Variants in KCNIP1 observed in about 807,000 individuals in gnomAD.
KCNIP1 encodes the protein A-type potassium channel modulatory protein KCNIP1.
In KCNIP1, 18 loss-of-function variants were observed where a neutral mutation model predicts 33.0. The observed-to-expected ratio is 0.55, with a 90% CI of 0.38 to 0.81. KCNIP1 has a LOEUF of 0.81. Among genes scored for constraint, KCNIP1 ranks in the 30% least tolerant of loss-of-function variants. The pLI is 0.00. For missense variants in KCNIP1, 238 were observed against 271.6 expected (o/e 0.88, Z 0.87); for synonymous variants, 93 against 98.3 (o/e 0.95, Z 0.32).
intron 1 of KCNIP1, among the ~76,000 whole-genome samples, chr5:170,671,153 G>A (rs79923541): frequency 0.02 from 3,013 of 152,110 alleles, 98 homozygotes; most frequent in African/African-American, 0.068. Context: ...ACATACACGC[G>A]CAAAATGTTG....
intron 1 of KCNIP1, among the ~76,000 whole-genome samples, chr5:170,623,079 C>T (rs1456944394): frequency 3.3e-5 from 5 of 152,254 alleles, no homozygotes; most frequent in Admixed American, 3.3e-4. Flanking sequence ...CTATGAGAAC[C>T]TAATGCGGCG....
chr5:170,379,189 G>A (rs1250677830), intron 1 of KCNIP1, among the ~76,000 whole-genome samples: 5 of 151,424 alleles, frequency 3.3e-5, no homozygotes, highest in East Asian at 2.0e-4. Context: ...GGAGCTGCTC[G>A]GGGTACAGGC....
At chr5:170,487,464 A>G (rs1246513097) in intron 1 of KCNIP1, among the ~76,000 whole-genome samples, 1 of 152,024 alleles carries the variant, frequency 6.6e-6, no homozygotes, top group African/African-American at 2.4e-5. Context: ...TAAAGTGCAC[A>G]ATTCCATGTT....
chr5:170,430,457 C>T (rs1344024553), intron 1 of KCNIP1, among the ~76,000 whole-genome samples: 1 of 152,210 alleles, frequency 6.6e-6, no homozygotes, highest in East Asian at 1.9e-4. Context: ...CAAACTCCTA[C>T]ACACCCTTCA....
At chr5:170,371,844 A>G (rs543437035) in intron 1 of KCNIP1, among the ~76,000 whole-genome samples, 1 of 152,362 alleles carries the variant, frequency 6.6e-6, no homozygotes, top group African/African-American at 2.4e-5. Context: ...TTGTCATTGA[A>G]GAGAACTATT....
chr5:170,510,180 T>A (rs1016731909), intron 1 of KCNIP1, among the ~76,000 whole-genome samples: 4 of 152,200 alleles, frequency 2.6e-5, no homozygotes, highest in African/African-American at 9.7e-5. Flanking sequence ...GCAGAGCACA[T>A]CTCTGCCTTC....
chr5:170,487,073 T>C (rs922869552), intron 1 of KCNIP1, among the ~76,000 whole-genome samples: 2 of 152,184 alleles, frequency 1.3e-5, no homozygotes, highest in African/African-American at 4.8e-5. Flanking sequence ...AGAAAGAGAT[T>C]TCCTTTAAGG....
intron 1 of KCNIP1, among the ~76,000 whole-genome samples, chr5:170,701,692 A>G (rs1763105626): frequency 6.6e-6 from 1 of 152,154 alleles, no homozygotes; most frequent in Admixed American, 6.5e-5. Context: ...GGGCTCCCCC[A>G]TGAGTGGGGA....
intron 1 of KCNIP1, among the ~76,000 whole-genome samples, chr5:170,523,390 G>A (rs11957313): frequency 0.19 from 28,508 of 152,202 alleles, 3,085 homozygotes; most frequent in African/African-American, 0.3. Context: ...ATAATTACAC[G>A]ATTCAGAGCC....
At chr5:170,617,160 C>T (rs1263573448) in intron 1 of KCNIP1, among the ~76,000 whole-genome samples, 1 of 145,808 alleles carries the variant, frequency 6.9e-6, no homozygotes, top group Non-Finnish European at 1.5e-5. Flanking sequence ...GCAATGAAGA[C>T]CCCAGGTCTG....
At chr5:170,385,943 C>T (rs1460250379) in intron 1 of KCNIP1, among the ~76,000 whole-genome samples, 1 of 151,496 alleles carries the variant, frequency 6.6e-6, no homozygotes, top group Non-Finnish European at 1.5e-5. Context: ...CATGGTGAAA[C>T]CCCATCTCTA....
intron 1 of KCNIP1, among the ~76,000 whole-genome samples, chr5:170,706,766 C>T (rs2113846684): frequency 6.6e-6 from 1 of 152,260 alleles, no homozygotes; most frequent in South Asian, 2.1e-4. Flanking sequence ...CGTCTTAAAA[C>T]TAAAAGTGCC....
intron 7 of KCNIP1, among the ~76,000 whole-genome samples, chr5:170,735,466 A>T (rs185194630): frequency 6.6e-6 from 1 of 152,362 alleles, no homozygotes; most frequent in African/African-American, 2.4e-5. Context: ...GAATAAAAAG[A>T]GAAAAAATAT....
At chr5:170,695,915 A>C (rs1581511973) in intron 1 of KCNIP1, among the ~76,000 whole-genome samples, 1 of 151,556 alleles carries the variant, frequency 6.6e-6, no homozygotes, top group Non-Finnish European at 1.5e-5. Flanking sequence ...GCTACTTGGA[A>C]GGCTGAGGCA....
At chr5:170,716,757 C>T (rs1030372114) in intron 1 of KCNIP1, among the ~76,000 whole-genome samples, 7 of 152,096 alleles carry the variant, frequency 4.6e-5, no homozygotes, top group African/African-American at 9.7e-5. Context: ...TTTCTTGAGT[C>T]GGAAAGAGTC....
intron 1 of KCNIP1, chr5:170,383,867 C>G (rs768136129): frequency 6.8e-6 from 11 of 1,612,762 alleles, no homozygotes; most frequent in Non-Finnish European, 9.3e-6. Context: ...AGACCACACA[C>G]ATGCACACAT....
intron 1 of KCNIP1, among the ~76,000 whole-genome samples, chr5:170,448,025 C>T (rs1756160025): frequency 6.6e-6 from 1 of 152,084 alleles, no homozygotes; most frequent in Non-Finnish European, 1.5e-5. Flanking sequence ...TGGGCTCCCA[C>T]ACCACCCTGC....
intron 1 of KCNIP1, among the ~76,000 whole-genome samples, chr5:170,658,682 G>A (rs1235940128): frequency 6.6e-6 from 1 of 152,168 alleles, no homozygotes; most frequent in African/African-American, 2.4e-5. Context: ...CATTAAGGCT[G>A]CAGAGTCTAG....
intron 1 of KCNIP1, among the ~76,000 whole-genome samples, chr5:170,466,141 A>T (rs1225982895): frequency 6.6e-6 from 1 of 152,176 alleles, no homozygotes; most frequent in East Asian, 1.9e-4. Flanking sequence ...TTTCTAAATT[A>T]AAATGTACAG....
Sources: allele counts gnomAD v4.1 joint callset (sites outside exome capture counted in the v4.1 genomes callset), GRCh38; gene constraint gnomAD v4.1.1; transcripts MANE v1.5; gene names NCBI Gene and HGNC (gene_info 2026-07-23, HGNC 2026-07-21).